The following STOML1 variants were observed in gnomAD, a reference collection of about 807,000 sequenced individuals.
The protein encoded by STOML1 is stomatin like 1.
Under a neutral mutation model 35.7 loss-of-function variants are expected in STOML1, and 27 were observed. The observed-to-expected ratio is 0.76, with a 90% confidence interval of 0.56 to 1.04. The LOEUF is 1.04. Among genes scored for constraint, STOML1 ranks in the 50% least tolerant of loss-of-function variants. STOML1 has a pLI of 0.00. For synonymous variants in STOML1, 219 were observed against 227.9 expected, an observed-to-expected ratio of 0.96 and a Z score of 0.35; for missense variants, 451 against 527.1, an observed-to-expected ratio of 0.86 and a Z score of 1.41.
chr15:73,988,339 G>C lies in STOML1; in HGVS notation c.594+260C>G. On this transcript the variant is annotated intron_variant, in intron 4 of 6. Coordinates refer to ENST00000541638, the MANE Select transcript of STOML1 (RefSeq NM_004809.5). This position sits in a 1 kb window ranked among gnomAD's most constrained non-coding sequence, Gnocchi z 4.8. Reference sequence around the variant, plus strand: ...AGAGCAGTGAGGGGTAAAAACTAAGGGGCAGACCCCAAGAATGTCTGCCGG... The same window carrying C: ...AGAGCAGTGAGGGGTAAAAACTAAGCGGCAGACCCCAAGAATGTCTGCCGG... 2.1e-6 allele frequency: 1 copy of C among 481,294 alleles called. No homozygotes were observed. The highest frequency in any genetic ancestry group is 3.8e-6 in the Non-Finnish European group (1 of 264,622). The allele number at this position is 481,294 out of a possible 1,614,324, so 29.8% of individuals were successfully genotyped here.
chr15:73,981,239 C>T lies in STOML1; in HGVS notation c.*2698G>A, dbSNP rs1310057512. 1 of 152,090 alleles carries T rather than the reference C, an allele frequency of 6.6e-6. No homozygotes were observed. The highest frequency in any genetic ancestry group is 6.5e-5 in the Admixed American group (1 of 15,268). 9.4% of individuals were successfully genotyped at this position (152,090 alleles called of 1,614,324 possible). A position where few individuals can be genotyped will look rare whatever the true frequency, so the allele number is the denominator to read the frequency against. Reference sequence around the variant, plus strand: ...GGTGTGGTGGTATGCGCCTATAATCCTGGCTACTCAGGTGTCTGAGGCAGG... The same window carrying T: ...GGTGTGGTGGTATGCGCCTATAATCTTGGCTACTCAGGTGTCTGAGGCAGG... On this transcript the variant is annotated 3_prime_UTR_variant, in exon 7 of 7. Transcript: ENST00000541638.
Position 73,984,121 on chromosome 15 carries a change from C to T in STOML1, c.1013G>A (p.Arg338Lys). 1 of 1,610,702 alleles carries T rather than the reference C, an allele frequency of 6.2e-7. No individual in the cohort carries two copies. Among genetic ancestry groups the T allele is most frequent in the Non-Finnish European group, 8.5e-7 (1 of 1,177,438 alleles). ...GCCATCAGGCACCCCGTGTCCCACTCTTCCTCGTCCTGTGGGGCAAAAGAA... is the reference window on the plus strand; with the variant it reads ...GCCATCAGGCACCCCGTGTCCCACTTTTCCTCGTCCTGTGGGGCAAAAGAA... ...YFLDLTTGRG[R>K]VGHGVPDGIP... The change falls in exon 7 of 7, where the codon AGA (arginine) becomes AAA (lysine). Residue 338 changes from arginine to lysine, a missense_variant. Coordinates refer to ENST00000541638, the MANE Select transcript of STOML1 (RefSeq NM_004809.5).
intron 1 of STOML1, 49 bp downstream of exon 1, chr15:73,992,042 G>A (rs1417556510): frequency 6.6e-7 from 1 of 1,514,718 alleles, no homozygotes; most frequent in South Asian, 1.2e-5. Context: ...CGGGCCTGGG[G>A]GTTGCCGGCC....
intron 2 of STOML1, 143 bp from the exon 3 acceptor site, chr15:73,989,400 C>A (rs2069196907): frequency 1.9e-6 from 2 of 1,037,916 alleles, no homozygotes; most frequent in Non-Finnish European, 2.6e-6. Flanking sequence ...ATGAGAAAAC[C>A]AAGGCTCAGG....
At chr15:73,984,202 G>T in intron 6 of STOML1, 72 bp from the exon 7 acceptor site, 1 of 1,484,026 alleles carries the variant, frequency 6.7e-7, no homozygotes, top group East Asian at 2.4e-5. Context: ...GGGGGTGGGA[G>T]GGGCTGGTAT....
At chr15:73,994,619 C>G, upstream of STOML1, 1 of 637,258 alleles carries the variant, frequency 1.6e-6, no homozygotes, top group Non-Finnish European at 2.9e-6. Context: ...GTCTTTAAAA[C>G]CCACAGTCGG....
chr15:73,986,523 G>A (rs1177399414), intron 4 of STOML1: 1 of 152,566 alleles, frequency 6.6e-6, no homozygotes, highest in Non-Finnish European at 1.5e-5. Flanking sequence ...TCCCAGGGAG[G>A]TCACAGATGA....
chr15:73,990,822 G>T (rs1289337844), intron 1 of STOML1: 2 of 1,535,416 alleles, frequency 1.3e-6, no homozygotes, highest in Non-Finnish European at 1.7e-6. Flanking sequence ...TACCTGGCAT[G>T]GAGCCAGGAG....
chr15:73,992,888 G>C (rs1462019457), upstream of STOML1, among the ~76,000 whole-genome samples: 1 of 152,204 alleles, frequency 6.6e-6, no homozygotes, highest in African/African-American at 2.4e-5. Context: ...TCACACTGGA[G>C]GCAGGACATG....
At position 73,985,511 on chromosome 15, in the gene STOML1, C is replaced by G; in HGVS notation, c.597G>C (p.Leu199=). ...EKLKISDQLL[L]EINDVTRAWG... ...AGGCCCTGGTCACATCGTTGATCTC[C>G]AGCTGGAGGACAGTGTGAGGAGAAA... is the stretch of plus-strand genomic sequence containing the variant. Residue 199 remains leucine (L), a splice_region_variant and synonymous_variant, in exon 5 of 7, where the codon CTG becomes CTC. Coordinates refer to ENST00000541638, the MANE Select transcript of STOML1 (RefSeq NM_004809.5). 1 of 1,540,038 alleles carries G rather than the reference C, an allele frequency of 6.5e-7. No homozygotes were observed. The highest frequency in any genetic ancestry group is 8.7e-7 in the Non-Finnish European group (1 of 1,143,318).
chr15:73,980,608 T>C lies in STOML1; in HGVS notation c.*3329A>G, dbSNP rs1042816501. ...ACATATTTGGATTTTCTTGCATATA[T>C]TTTTTTTTAAAAAACAAAACCTTCA... On this transcript the variant is annotated 3_prime_UTR_variant, in exon 7 of 7. Coordinates refer to ENST00000541638, the MANE Select transcript of STOML1 (RefSeq NM_004809.5). 1.3e-5 allele frequency: 2 copies of C among 151,828 alleles called. No homozygotes were observed. Among genetic ancestry groups the C allele is most frequent in the African/African-American group, 2.4e-5 (1 of 41,336 alleles). 9.4% of individuals were successfully genotyped at this position (151,828 alleles called of 1,614,324 possible). A position where few individuals can be genotyped will look rare whatever the true frequency, so the allele number is the denominator to read the frequency against.
Position 73,988,884 on chromosome 15 carries a change from G to C in STOML1, c.391-82C>G. The C allele has an allele frequency of 1.3e-6, 2 of 1,537,860 alleles. No homozygotes were observed. Among genetic ancestry groups the C allele is most frequent in the African/African-American group, 2.7e-5 (2 of 73,150 alleles). ...CAGGCCCACTGGGGCCACCCAGCTTGAACCACCTGCTTGGCAGCTAGCTCC... is the reference window on the plus strand; with the variant it reads ...CAGGCCCACTGGGGCCACCCAGCTTCAACCACCTGCTTGGCAGCTAGCTCC... On this transcript the variant is annotated intron_variant, in intron 3 of 6. Coordinates refer to ENST00000541638, the MANE Select transcript of STOML1 (RefSeq NM_004809.5). This position sits in a 1 kb window ranked among gnomAD's most constrained non-coding sequence, Gnocchi z 4.8.
At position 73,992,257 on chromosome 15, in the gene STOML1, C is replaced by T; in HGVS notation, c.-34G>A. ...ACAGGAGACACGCCCCGCGCCTCCG[C>T]GCGGCGCCCTCCCTGGCCAGTGGGC... On this transcript the variant is annotated 5_prime_UTR_variant, in exon 1 of 7. Transcript: ENST00000541638. 6.3e-7 allele frequency: 1 copy of T among 1,576,280 alleles called. No individual in the cohort carries two copies. The highest frequency in any genetic ancestry group is 1.8e-5 in the Admixed American group (1 of 54,306).
intron 2 of STOML1, among the ~76,000 whole-genome samples, chr15:73,989,599 G>A (rs1208012887): frequency 6.6e-6 from 1 of 152,090 alleles, no homozygotes; most frequent in Non-Finnish European, 1.5e-5. Context: ...GTCTGTCCTT[G>A]GATTAGTTAG....
At chr15:73,985,230 ACTGCACAGAG>A in intron 5 of STOML1, 78 bp downstream of exon 5, 1 of 1,364,772 alleles carries the variant, frequency 7.3e-7, no homozygotes, top group Admixed American at 2.7e-5. Flanking sequence ...CAGGGTGTGT[ACTGCACAGAG>A]CTGCTGGGAT....
At chr15:73,992,505 G>A (rs1412893685), upstream of STOML1, among the ~76,000 whole-genome samples, 2 of 152,142 alleles carry the variant, frequency 1.3e-5, no homozygotes, top group East Asian at 3.9e-4. Flanking sequence ...CTCCTACTCA[G>A]CCCTAGAAAA....
At chr15:73,984,379 G>C (rs981071213) in intron 6 of STOML1, among the ~76,000 whole-genome samples, 3 of 152,240 alleles carry the variant, frequency 2.0e-5, no homozygotes, top group African/African-American at 7.2e-5. Context: ...AAGTGGGTGA[G>C]ATAATGTACA....
At chr15:73,990,285 T>C (rs1260077546) in intron 2 of STOML1, 66 bp downstream of exon 2, 18 of 1,451,454 alleles carry the variant, frequency 1.2e-5, no homozygotes, top group Non-Finnish European at 1.7e-5. Flanking sequence ...TAGGCAAATT[T>C]ATTCATCAAT....
Position 73,990,337 on chromosome 15 carries a change from C to T in STOML1, c.240+14G>A, listed in dbSNP as rs2069231286. 1.9e-6 allele frequency: 3 copies of T among 1,612,334 alleles called. No homozygotes were observed. The highest frequency in any genetic ancestry group is 2.5e-6 in the Non-Finnish European group (3 of 1,178,654). ...TGGCCCAACCACCCTGGGGGCTGAC[C>T]CAGCCAGCCTTACCTTCAGGGCAAA... On this transcript the variant is annotated intron_variant, in intron 2 of 6. Transcript: ENST00000541638.
Sources: allele counts gnomAD v4.1 joint callset (sites outside exome capture counted in the v4.1 genomes callset), GRCh38; gene constraint gnomAD v4.1.1; non-coding constraint Gnocchi (gnomAD v3.1); transcripts MANE v1.5; gene names NCBI Gene and HGNC (gene_info 2026-07-23, HGNC 2026-07-21).